The following ARHGEF4 variants were observed in gnomAD, a reference collection of about 807,000 sequenced individuals.
The protein encoded by ARHGEF4 is APC-stimulated guanine nucleotide exchange factor 1.
ARHGEF4 carries 119 observed loss-of-function variants against 162.0 expected under a neutral mutation model. The ratio of observed to expected loss-of-function variants is 0.73; its 90% confidence interval spans 0.63 to 0.86. The LOEUF (loss-of-function observed/expected upper bound fraction) is 0.86. Among genes scored for constraint, ARHGEF4 ranks in the 40% least tolerant of loss-of-function variants. ARHGEF4 has a pLI of 0.00. For missense variants in ARHGEF4, 2,488 were observed against 2,456.0 expected, an observed-to-expected ratio of 1.01 and a Z score of -0.28; for synonymous variants, 1,014 against 979.9, an observed-to-expected ratio of 1.03 and a Z score of -0.65.
chr2:130,864,686 T>C (rs925808533), intron 1 of ARHGEF4, among the ~76,000 whole-genome samples: 1 of 152,174 alleles, frequency 6.6e-6, no homozygotes, highest in African/African-American at 2.4e-5. Flanking sequence ...ATCATGCCAC[T>C]GCACTCCAAT....
At chr2:130,977,911 A>G (rs970407518) in intron 4 of ARHGEF4, among the ~76,000 whole-genome samples, 12 of 152,180 alleles carry the variant, frequency 7.9e-5, no homozygotes, top group Admixed American at 2.6e-4. Context: ...GTGGGAGCTC[A>G]GGCTCAAATC....
chr2:130,911,691 C>A (rs1360439137), intron 1 of ARHGEF4, among the ~76,000 whole-genome samples: 2 of 152,110 alleles, frequency 1.3e-5, no homozygotes, highest in Non-Finnish European at 2.9e-5. Flanking sequence ...TTTTTTTTCC[C>A]CCAAAGGCTT....
chr2:131,035,343 G>A (rs1690181698), intron 5 of ARHGEF4: 4 of 1,121,938 alleles, frequency 3.6e-6, no homozygotes, highest in African/African-American at 1.6e-5. Flanking sequence ...CCTCCGCACT[G>A]GTCGCGGAGG....
intron 5 of ARHGEF4, among the ~76,000 whole-genome samples, chr2:131,032,616 G>A (rs1573668688): frequency 6.6e-6 from 1 of 151,760 alleles, no homozygotes; most frequent in Non-Finnish European, 1.5e-5. Context: ...AAGGTCACCT[G>A]GTGGCCAGCC....
intron 3 of ARHGEF4, among the ~76,000 whole-genome samples, chr2:130,940,702 G>A (rs1261891987): frequency 1.3e-5 from 2 of 150,126 alleles, no homozygotes; most frequent in African/African-American, 4.9e-5. Flanking sequence ...GTGGTGGCGG[G>A]CGCCTGTAGT....
chr2:130,904,208 A>G (rs1680678422), intron 1 of ARHGEF4, among the ~76,000 whole-genome samples: 1 of 152,026 alleles, frequency 6.6e-6, no homozygotes, highest in Non-Finnish European at 1.5e-5. Context: ...AGGAACAGCC[A>G]TCCTGACTGG....
intron 4 of ARHGEF4, among the ~76,000 whole-genome samples, chr2:131,001,030 C>T (rs902456084): frequency 2.6e-5 from 4 of 152,008 alleles, no homozygotes; most frequent in Admixed American, 6.6e-5. Flanking sequence ...TGGGGCCAGG[C>T]ACAGTGGCTC....
At chr2:130,967,988 G>A (rs569727230) in intron 4 of ARHGEF4, among the ~76,000 whole-genome samples, 4 of 152,240 alleles carry the variant, frequency 2.6e-5, no homozygotes, top group East Asian at 1.9e-4. Flanking sequence ...CCAAGCCTTG[G>A]TGTTCAGGGT....
intron 1 of ARHGEF4, chr2:130,837,699 C>T (rs774849335): frequency 1.1e-4 from 45 of 426,360 alleles, no homozygotes; most frequent in Non-Finnish European, 1.8e-4. Flanking sequence ...CCGACCTCCC[C>T]AGGTGAGCCA....
chr2:130,906,337 ATATT>A (rs1362063085), intron 1 of ARHGEF4, among the ~76,000 whole-genome samples: 4 of 152,230 alleles, frequency 2.6e-5, no homozygotes, highest in Non-Finnish European at 4.4e-5. Flanking sequence ...TACGTTGTAT[ATATT>A]AACCCATATA....
intron 1 of ARHGEF4, among the ~76,000 whole-genome samples, chr2:130,838,896 T>C (rs1025432725): frequency 2.0e-5 from 3 of 152,202 alleles, no homozygotes; most frequent in Non-Finnish European, 2.9e-5. Flanking sequence ...GCAGCCACCT[T>C]GCCTGCTGCT....
chr2:130,946,549 A>G lies in ARHGEF4; in HGVS notation c.3899A>G (p.Asn1300Ser), dbSNP rs755271265. ...KTIITSPESL[N>S]LPRRSHPLSQ... ...ATCATTACCTCTCCAGAGTCTTTGA[A>G]TCTCCCTAGAAGAAGCCATCCACTC... The change falls in exon 4 of 14, where the codon AAT becomes AGT. Residue 1300 changes from asparagine (N) to serine (S), a missense_variant. Physicochemically the swap from Asn to Ser is conservative, Grantham distance 46 (BLOSUM62 1). Transcript: ENST00000409359. The G allele has an allele frequency of 1.2e-6, 2 of 1,613,924 alleles. No homozygotes were observed. The highest frequency in any genetic ancestry group is 3.3e-5 in the Admixed American group (2 of 60,002).
chr2:130,959,338 T>G (rs1484812774), intron 4 of ARHGEF4, among the ~76,000 whole-genome samples: 1 of 152,208 alleles, frequency 6.6e-6, no homozygotes, highest in Admixed American at 6.5e-5. Context: ...AGGACATTGA[T>G]GGTATTCCAA....
chr2:131,019,436 T>G (rs866157936), intron 4 of ARHGEF4, among the ~76,000 whole-genome samples: 58 of 152,022 alleles, frequency 3.8e-4, no homozygotes, highest in African/African-American at 1.4e-3. Context: ...CATTGGATTT[T>G]TATAGGAATG....
At chr2:130,853,620 C>T (rs1363042327) in intron 1 of ARHGEF4, among the ~76,000 whole-genome samples, 1 of 152,188 alleles carries the variant, frequency 6.6e-6, no homozygotes, top group Non-Finnish European at 1.5e-5. Context: ...GGTCCTGGTG[C>T]CTGTGCACAT....
At chr2:130,853,703 T>C (rs914695406) in intron 1 of ARHGEF4, among the ~76,000 whole-genome samples, 11 of 152,150 alleles carry the variant, frequency 7.2e-5, no homozygotes, top group African/African-American at 2.7e-4. Flanking sequence ...TCTGCCCCTC[T>C]CCAGTGGGAG....
intron 2 of ARHGEF4, among the ~76,000 whole-genome samples, chr2:130,927,153 G>C (rs1359186292): frequency 6.6e-6 from 1 of 152,018 alleles, no homozygotes; most frequent in Non-Finnish European, 1.5e-5. Context: ...ACTTTAGAAT[G>C]GCAGTGGGTG....
intron 9 of ARHGEF4, 99 bp downstream of exon 9, chr2:131,041,561 G>C (rs1690811718): frequency 7.7e-7 from 1 of 1,300,816 alleles, no homozygotes; most frequent in Non-Finnish European, 1.1e-6. Flanking sequence ...CTGCAGCCCT[G>C]GGGCAACACA....
At chr2:130,882,628 G>A (rs956141877) in intron 1 of ARHGEF4, among the ~76,000 whole-genome samples, 1 of 152,048 alleles carries the variant, frequency 6.6e-6, no homozygotes, top group African/African-American at 2.4e-5. Context: ...TCAGTCCTTT[G>A]CAAGCCTGAA....
Sources: allele counts gnomAD v4.1 joint callset (sites outside exome capture counted in the v4.1 genomes callset), GRCh38; gene constraint gnomAD v4.1.1; transcripts MANE v1.5; gene names NCBI Gene and HGNC (gene_info 2026-07-23, HGNC 2026-07-21).